STAP1: variants seen among roughly 807,000 people sequenced by gnomAD.
STAP1 encodes the protein signal-transducing adaptor protein 1.
STAP1 carries 30 observed loss-of-function variants against 37.8 expected under a neutral mutation model. The ratio of observed to expected loss-of-function variants is 0.79; its 90% CI spans 0.59 to 1.08. The LOEUF (loss-of-function observed/expected upper bound fraction) is 1.08. Ranked by LOEUF, STAP1 falls within the 50% of genes least tolerant of loss-of-function variation. The pLI is 0.00. For synonymous variants in STAP1, 130 were observed against 116.0 expected (o/e 1.12, Z -0.78); for missense variants, 357 against 349.4 (o/e 1.02, Z -0.17).
intron 4 of STAP1, among the ~76,000 whole-genome samples, chr4:67,577,975 A>G (rs1192300159): frequency 6.6e-6 from 1 of 152,106 alleles, no homozygotes; most frequent in South Asian, 2.1e-4. Context: ...TTTATTTAAT[A>G]CATATTTATA....
At chr4:67,586,677 G>A (rs1727987681) in intron 6 of STAP1, among the ~76,000 whole-genome samples, 1 of 152,126 alleles carries the variant, frequency 6.6e-6, no homozygotes, top group Non-Finnish European at 1.5e-5. Flanking sequence ...TTGTATTTAA[G>A]TTATATATTA....
Position 67,607,161 on chromosome 4 carries a change from T to C in STAP1, c.*804T>C, listed in dbSNP as rs1728470638. 1 of 152,050 alleles carries C rather than the reference T, an allele frequency of 6.6e-6. No individual in the cohort carries two copies. Among genetic ancestry groups the C allele is most frequent in the Non-Finnish European group, 1.5e-5 (1 of 68,018 alleles). The allele number at this position is 152,050 out of a possible 1,614,324, so 9.4% of individuals were successfully genotyped here. A position where few individuals can be genotyped will look rare whatever the true frequency, so the allele number is the denominator to read the frequency against. On this transcript the variant is annotated 3_prime_UTR_variant, in exon 9 of 9. Transcript: ENST00000265404. ...TCAATTTGGGAATCACACAATCAAC[T>C]AAGAATGAAAAGATATGGTCTATAT...
intron 8 of STAP1, among the ~76,000 whole-genome samples, chr4:67,597,139 A>G (rs1336668487): frequency 6.6e-6 from 1 of 152,216 alleles, no homozygotes; most frequent in Non-Finnish European, 1.5e-5. Flanking sequence ...GTGCAGCCTC[A>G]AGACATGGTG....
intron 1 of STAP1, among the ~76,000 whole-genome samples, chr4:67,560,342 C>T (rs187047758): frequency 4.1e-4 from 63 of 152,226 alleles, no homozygotes; most frequent in African/African-American, 1.5e-3. Context: ...CTACTTGCCT[C>T]CTAAGGTACA....
chr4:67,603,771 G>T (rs1222974204), intron 8 of STAP1, among the ~76,000 whole-genome samples: 2 of 151,790 alleles, frequency 1.3e-5, no homozygotes, highest in Non-Finnish European at 1.5e-5. Context: ...CCAAGTTTAT[G>T]CTCCCCTCTT....
chr4:67,583,755 A>C, intron 6 of STAP1, 53 bp downstream of exon 6: 1 of 1,582,362 alleles, frequency 6.3e-7, no homozygotes. Flanking sequence ...GGTATCACTA[A>C]ATACAAGTCC....
At chr4:67,583,222 C>T (rs974659835) in intron 5 of STAP1, among the ~76,000 whole-genome samples, 4 of 151,976 alleles carry the variant, frequency 2.6e-5, no homozygotes, top group African/African-American at 9.7e-5. Flanking sequence ...GAAAGGAGAC[C>T]CCCAATAAAT....
intron 4 of STAP1, among the ~76,000 whole-genome samples, chr4:67,580,438 G>T (rs555931087): frequency 6.6e-6 from 1 of 152,230 alleles, no homozygotes; most frequent in Admixed American, 6.5e-5. Context: ...ATAGAAATTA[G>T]TGAAATAGTA....
At chr4:67,596,262 A>G (rs1196680183) in intron 8 of STAP1, among the ~76,000 whole-genome samples, 1 of 152,086 alleles carries the variant, frequency 6.6e-6, no homozygotes, top group Non-Finnish European at 1.5e-5. Flanking sequence ...CCTTGTGAAG[A>G]CGTGTCTTGC....
At chr4:67,603,003 C>G (rs779316391) in intron 8 of STAP1, among the ~76,000 whole-genome samples, 4 of 152,178 alleles carry the variant, frequency 2.6e-5, no homozygotes, top group African/African-American at 7.2e-5. Context: ...CAGAGTGAAT[C>G]AAGAAATGCC....
At chr4:67,565,708 T>G (rs1264674774) in intron 1 of STAP1, among the ~76,000 whole-genome samples, 1 of 152,060 alleles carries the variant, frequency 6.6e-6, no homozygotes, top group East Asian at 1.9e-4. Context: ...GGAGGTGGTG[T>G]TGTGTTTATG....
chr4:67,594,696 A>T (rs1008813271), intron 8 of STAP1, among the ~76,000 whole-genome samples: 7 of 152,084 alleles, frequency 4.6e-5, no homozygotes, highest in Admixed American at 2.6e-4. Context: ...TGTCATCTAA[A>T]TTATTGGTTC....
chr4:67,577,163 T>C (rs375996941), intron 3 of STAP1, 40 bp from the exon 4 acceptor site: 263 of 1,562,288 alleles, frequency 1.7e-4, no homozygotes, highest in Non-Finnish European at 2.2e-4. Context: ...ACTCATGTAT[T>C]TCCTTCTTTG....
intron 1 of STAP1, among the ~76,000 whole-genome samples, chr4:67,568,198 A>G (rs889829855): frequency 6.6e-6 from 1 of 152,242 alleles, no homozygotes; most frequent in African/African-American, 2.4e-5. Flanking sequence ...TTTACTGGTT[A>G]AAAAACATAA....
intron 1 of STAP1, among the ~76,000 whole-genome samples, chr4:67,559,532 A>G (rs1262667908): frequency 6.6e-6 from 1 of 152,124 alleles, no homozygotes; most frequent in African/African-American, 2.4e-5. Context: ...CTACATAAAT[A>G]CCTTTGCTCT....
chr4:67,572,678 T>A (rs1045745094), intron 2 of STAP1, among the ~76,000 whole-genome samples: 5 of 152,124 alleles, frequency 3.3e-5, no homozygotes, highest in Admixed American at 3.3e-4. Flanking sequence ...AGTAGTCCAT[T>A]TTATAAGGTT....
intron 7 of STAP1, among the ~76,000 whole-genome samples, chr4:67,592,280 C>A (rs1437178249): frequency 6.6e-6 from 1 of 152,096 alleles, no homozygotes; most frequent in Non-Finnish European, 1.5e-5. Context: ...AGGTGTGTAC[C>A]ACTGCGCCTG....
At chr4:67,580,341 C>G (rs1727823627) in intron 4 of STAP1, among the ~76,000 whole-genome samples, 1 of 152,070 alleles carries the variant, frequency 6.6e-6, no homozygotes, top group Non-Finnish European at 1.5e-5. Flanking sequence ...TAAAATGTCT[C>G]TAAGCCTTTT....
At chr4:67,559,879 A>G (rs1418059389) in intron 1 of STAP1, among the ~76,000 whole-genome samples, 2 of 152,176 alleles carry the variant, frequency 1.3e-5, no homozygotes, top group Non-Finnish European at 2.9e-5. Context: ...TCTTACATAT[A>G]TAATCAGATC....
Sources: gnomAD v4.1 joint callset for allele counts (sites outside exome capture counted in the v4.1 genomes callset) on GRCh38, gnomAD v4.1.1 for gene constraint, MANE v1.5 for transcripts, NCBI Gene and HGNC (gene_info 2026-07-23, HGNC 2026-07-21) for gene names.